PCSK5: variants seen among roughly 807,000 people sequenced by gnomAD.
PCSK5 encodes the protein prohormone convertase 5.
A neutral mutation model predicts 233.2 loss-of-function variants in PCSK5; 129 were observed. That is an observed-to-expected ratio of 0.55 (90% CI 0.48 to 0.64). The LOEUF (loss-of-function observed/expected upper bound fraction) is 0.64. Ranked by LOEUF, PCSK5 falls within the 30% of genes least tolerant of loss-of-function variation. The pLI is 0.00. For synonymous variants in PCSK5, 825 were observed against 879.2 expected, an observed-to-expected ratio of 0.94 and a Z score of 1.09; for missense variants, 2,076 against 2,430.1, an observed-to-expected ratio of 0.85 and a Z score of 3.06.
intron 5 of PCSK5, among the ~76,000 whole-genome samples, chr9:76,050,271 C>G (rs1175987628): frequency 6.6e-6 from 1 of 152,138 alleles, no homozygotes; most frequent in Admixed American, 6.5e-5. Context: ...TGGTCTGTTT[C>G]CATTCTGCCA....
intron 21 of PCSK5, among the ~76,000 whole-genome samples, chr9:76,228,776 G>A (rs575235341): frequency 7.2e-5 from 11 of 152,336 alleles, no homozygotes; most frequent in African/African-American, 1.2e-4. Context: ...AGTGGCAGGC[G>A]CTTTGCATCT....
chr9:76,225,049 C>T (rs968522105), intron 20 of PCSK5, among the ~76,000 whole-genome samples: 2 of 152,148 alleles, frequency 1.3e-5, no homozygotes, highest in African/African-American at 2.4e-5. Context: ...AGGAGTTCTG[C>T]CCATTCCTAC....
At chr9:76,052,376 C>T (rs368040505) in intron 5 of PCSK5, among the ~76,000 whole-genome samples, 8 of 152,300 alleles carry the variant, frequency 5.3e-5, no homozygotes, top group Middle Eastern at 3.4e-3. Context: ...CACAGTTCCA[C>T]ATGGCCGGGA....
At chr9:76,186,671 T>C (rs1056599502) in intron 17 of PCSK5, among the ~76,000 whole-genome samples, 5 of 152,184 alleles carry the variant, frequency 3.3e-5, no homozygotes, top group Non-Finnish European at 7.3e-5. Context: ...TGTGTCCTGC[T>C]GAACAGATGC....
intron 9 of PCSK5, among the ~76,000 whole-genome samples, chr9:76,125,732 G>A (rs1316664540): frequency 6.6e-6 from 1 of 152,160 alleles, no homozygotes; most frequent in African/African-American, 2.4e-5. Flanking sequence ...TAGCAGTCAA[G>A]ATGTTGACTC....
At chr9:76,355,586 G>A (rs75462460) in intron 37 of PCSK5, among the ~76,000 whole-genome samples, 1,545 of 152,312 alleles carry the variant, frequency 0.01, 18 homozygotes, top group Non-Finnish European at 0.017. Flanking sequence ...GACAAAAAGC[G>A]ATGCCATATT....
chr9:76,156,077 TA>T (rs1162819040), intron 10 of PCSK5, among the ~76,000 whole-genome samples: 2 of 152,232 alleles, frequency 1.3e-5, no homozygotes, highest in African/African-American at 2.4e-5. Flanking sequence ...AATGTTTGCA[TA>T]AAGTCATTCA....
rs776757718 is a variant in PCSK5, at chr9:76,338,311, C to A, written c.4830C>A (p.Asp1610Glu). 1 of 1,612,612 alleles carries A rather than the reference C, an allele frequency of 6.2e-7. No homozygotes were observed. The highest frequency in any genetic ancestry group is 1.1e-5 in the South Asian group (1 of 91,036). ...CKGCQGPRPT[D>E]CLSCDRFFFL... ...GGTGCCAGGGCCCACGGCCCACAGA[C>A]TGCCTGTCTTGCGATAGATTTTTCT... The change falls in exon 35 of 38, where the codon GAC (aspartate) becomes GAA (glutamate). Residue 1610 changes from aspartate to glutamate, a missense_variant. Around this residue, in one of 6 missense-constraint regions of PCSK5, gnomAD observed 1,510 missense variants for 1,538.1 expected, o/e 0.98. Coordinates refer to ENST00000674117, the MANE Select transcript of PCSK5 (RefSeq NM_001372043.1).
intron 37 of PCSK5, among the ~76,000 whole-genome samples, chr9:76,356,364 C>G (rs546048454): frequency 2.2e-4 from 33 of 152,338 alleles, no homozygotes; most frequent in Middle Eastern, 6.8e-3. Flanking sequence ...CAGAGACACT[C>G]TGCCCCTTCA....
At chr9:76,177,558 T>C (rs1257755941) in intron 14 of PCSK5, among the ~76,000 whole-genome samples, 1 of 152,204 alleles carries the variant, frequency 6.6e-6, no homozygotes, top group African/African-American at 2.4e-5. Flanking sequence ...TTTTGTGATG[T>C]TTTGCTTTGA....
chr9:76,210,300 CAG>C (rs1825282854), intron 20 of PCSK5, among the ~76,000 whole-genome samples: 2 of 152,154 alleles, frequency 1.3e-5, no homozygotes, highest in Admixed American at 6.5e-5. Flanking sequence ...ACATAGGCCT[CAG>C]AGTTTCCCCA....
intron 24 of PCSK5, among the ~76,000 whole-genome samples, chr9:76,263,442 A>G (rs532345006): frequency 6.6e-6 from 1 of 152,302 alleles, no homozygotes; most frequent in African/African-American, 2.4e-5. Context: ...GGAATACTAT[A>G]AAGCCATAAA....
chr9:75,933,154 T>A (rs1369690361), intron 2 of PCSK5, among the ~76,000 whole-genome samples: 1 of 152,110 alleles, frequency 6.6e-6, no homozygotes, highest in Non-Finnish European at 1.5e-5. Context: ...AGCTTTGAAA[T>A]GGGAGATGGG....
At chr9:75,998,188 C>T (rs1171530321) in intron 3 of PCSK5, among the ~76,000 whole-genome samples, 1 of 152,138 alleles carries the variant, frequency 6.6e-6, no homozygotes, top group Non-Finnish European at 1.5e-5. Flanking sequence ...CAACAGTATT[C>T]TCAGTCACAG....
intron 10 of PCSK5, among the ~76,000 whole-genome samples, chr9:76,150,717 T>C (rs1302395787): frequency 2.6e-5 from 4 of 152,200 alleles, no homozygotes; most frequent in African/African-American, 4.8e-5. Flanking sequence ...GGAGTCTGCA[T>C]TTTTGCACTG....
chr9:75,959,137 G>A (rs559784787), intron 2 of PCSK5, among the ~76,000 whole-genome samples: 2 of 152,322 alleles, frequency 1.3e-5, no homozygotes, highest in South Asian at 4.1e-4. Context: ...TGAGGAAAGA[G>A]CACACAAAAT....
Position 76,323,322 on chromosome 9 carries a change from G to A in PCSK5, c.4339+34G>A, listed in dbSNP as rs1228331742. 3.2e-6 allele frequency: 4 copies of A among 1,269,774 alleles called. No homozygotes were observed. The South Asian group carries it at 4.9e-5, about 16-fold the overall frequency. 78.7% of individuals were successfully genotyped at this position (1,269,774 alleles called of 1,614,324 possible). The stretch of plus-strand genomic sequence containing the variant: ...TTCTGGGATTCAAAATAGGCTCCGG[G>A]GTTTGCATAGTTCCAGCCCCAGCCC... On this transcript the variant is annotated intron_variant, in intron 32 of 37. Transcript: ENST00000674117.
At chr9:75,958,939 A>G (rs1248870368) in intron 2 of PCSK5, among the ~76,000 whole-genome samples, 1 of 152,220 alleles carries the variant, frequency 6.6e-6, no homozygotes, top group Non-Finnish European at 1.5e-5. Flanking sequence ...TGATAGACAC[A>G]GAAGCTGACA....
intron 1 of PCSK5, among the ~76,000 whole-genome samples, chr9:75,902,214 T>TTAAAAAAAAAAAAA (rs1554703242): frequency 1.5e-4 from 8 of 53,298 alleles, no homozygotes; most frequent in Non-Finnish European, 2.1e-4. Flanking sequence ...AGACACCATC[T>TTAAAAAAAAAAAAA]AAAAAAAAAA....
Sources: gnomAD v4.1 joint callset for allele counts (sites outside exome capture counted in the v4.1 genomes callset) on GRCh38, gnomAD v4.1.1 for gene constraint, gnomAD v4.1.1 regional missense constraint, MANE v1.5 for transcripts, NCBI Gene and HGNC (gene_info 2026-07-23, HGNC 2026-07-21) for gene names.